The following VSTM5 variants were observed in gnomAD, a reference collection of about 807,000 sequenced individuals.
The protein encoded by VSTM5 is V-set and transmembrane domain-containing protein 5.
VSTM5 carries 21 observed loss-of-function variants against 20.3 expected under a neutral mutation model. The observed-to-expected ratio is 1.03, with a 90% CI of 0.73 to 1.49. The LOEUF (loss-of-function observed/expected upper bound fraction) is 1.49, where lower values mean the gene tolerates loss of function less well. VSTM5 is among the 40% of genes most tolerant of loss of function. VSTM5 has a pLI of 0.00. For missense variants in VSTM5, 219 were observed against 250.0 expected, an observed-to-expected ratio of 0.88 and a Z score of 0.84; for synonymous variants, 100 against 102.5, an observed-to-expected ratio of 0.98 and a Z score of 0.14.
chr11:93,820,863 G>T lies in VSTM5; in HGVS notation c.439C>A (p.His147Asn), dbSNP rs754873545. 1.3e-6 allele frequency: 2 copies of T among 1,550,618 alleles called. No homozygotes were observed. The highest frequency in any genetic ancestry group is 2.4e-5 in the South Asian group (2 of 84,062). ...AAAGCAAGGATGACAGCGACAAAGT[G>T]CAGGTCTTCATAGAGGATCTCTATG... ...HVSEILYEDL[H>N]FVAVILAFLA... Residue 147 changes from histidine (H) to asparagine (N), a missense_variant, in exon 3 of 4, where the codon CAC (histidine) becomes AAC (asparagine). Coordinates refer to ENST00000409977, the MANE Select transcript of VSTM5 (RefSeq NM_001144871.2).
rs148258152 is a variant in VSTM5 at position 93,825,585 on chromosome 11, G to A, written c.92-4262C>T. 3.4e-4 allele frequency among the ~76,000 whole-genome samples: 51 copies of A among 152,238 alleles called. 1 individual carries two copies. In the East Asian group the frequency reaches 9.1e-3, roughly 27 times the overall value. ...AACGATATTAATTCTTCCCATCCAC[G>A]AACATAGGGTATCTTTCCATTTATT... On this transcript the variant is annotated intron_variant, in intron 1 of 3. Transcript: ENST00000409977.
At chr11:93,826,413 T>C (rs1944238560) in intron 1 of VSTM5, among the ~76,000 whole-genome samples, 2 of 151,872 alleles carry the variant, frequency 1.3e-5, no homozygotes, top group African/African-American at 4.8e-5. Context: ...TTTCTTTTTT[T>C]TTGAGATGGA....
At chr11:93,838,982 A>G (rs1292293857) in intron 1 of VSTM5, among the ~76,000 whole-genome samples, 5 of 152,310 alleles carry the variant, frequency 3.3e-5, no homozygotes, top group African/African-American at 1.2e-4. Flanking sequence ...TCTTGGGCCC[A>G]TGCTCCAGCC....
chr11:93,831,601 T>C (rs747426668), intron 1 of VSTM5, among the ~76,000 whole-genome samples: 13 of 152,144 alleles, frequency 8.5e-5, no homozygotes, highest in Non-Finnish European at 1.3e-4. Context: ...CTCACCATGA[T>C]CTTTCTGTTT....
intron 1 of VSTM5, among the ~76,000 whole-genome samples, chr11:93,838,033 G>A (rs1001658255): frequency 1.3e-5 from 2 of 152,062 alleles, no homozygotes; most frequent in African/African-American, 2.4e-5. Flanking sequence ...GCCAGAAAAG[G>A]CCCTTCCCAA....
rs753692643 is a variant in VSTM5, at chr11:93,820,592, C to G, written c.580G>C (p.Glu194Gln). 2.6e-6 allele frequency: 4 copies of G among 1,551,914 alleles called. No homozygotes were observed. The Admixed American group carries it at 5.9e-5, about 23-fold the overall frequency. The stretch of plus-strand genomic sequence containing the variant: ...GGCTAACACTCAACATCTTCCAGCT[C>G]AATCTCCTCAGTTGTGCTTTCTGTA... ...KLKESTTEEIELEDVEC is the reference protein window; with the variant it reads ...KLKESTTEEIQLEDVEC Residue 194 changes from glutamate to glutamine, a missense_variant, in exon 4 of 4, where the codon GAG becomes CAG. By Grantham distance (29) the Glu-to-Gln change is conservative. Transcript: ENST00000409977.
intron 1 of VSTM5, among the ~76,000 whole-genome samples, chr11:93,822,593 G>T (rs550745249): frequency 1.3e-5 from 2 of 152,160 alleles, no homozygotes; most frequent in South Asian, 4.2e-4. Flanking sequence ...AGTGATTCTT[G>T]TGTCTCAGCT....
chr11:93,839,725 C>T (rs763996004), intron 1 of VSTM5, among the ~76,000 whole-genome samples: 4 of 152,172 alleles, frequency 2.6e-5, no homozygotes, highest in Admixed American at 6.5e-5. Context: ...TTCAGACCTG[C>T]GCTCTACCCA....
At chr11:93,837,688 C>T (rs1040720487) in intron 1 of VSTM5, among the ~76,000 whole-genome samples, 1 of 151,896 alleles carries the variant, frequency 6.6e-6, no homozygotes, top group African/African-American at 2.4e-5. Context: ...TGCAGTATGC[C>T]GAATGCTTAG....
At chr11:93,842,208 C>T (rs1944375816) in intron 1 of VSTM5, among the ~76,000 whole-genome samples, 2 of 152,136 alleles carry the variant, frequency 1.3e-5, no homozygotes, top group African/African-American at 4.8e-5. Context: ...TCTCCCCATC[C>T]TTGGGGGTAT....
chr11:93,836,854 C>G (rs1269313939), intron 1 of VSTM5, among the ~76,000 whole-genome samples: 2 of 152,012 alleles, frequency 1.3e-5, no homozygotes, highest in African/African-American at 2.4e-5. Flanking sequence ...TCAGTGACTC[C>G]CCTTATAGGG....
intron 1 of VSTM5, among the ~76,000 whole-genome samples, chr11:93,824,245 A>G: frequency 6.6e-6 from 1 of 152,088 alleles, no homozygotes; most frequent in East Asian, 1.9e-4. Flanking sequence ...GAATCTCCAT[A>G]CTTTTTTCAT....
chr11:93,836,881 G>A (rs1944327176), intron 1 of VSTM5, among the ~76,000 whole-genome samples: 1 of 152,054 alleles, frequency 6.6e-6, no homozygotes, highest in Non-Finnish European at 1.5e-5. Flanking sequence ...ATCTGATCTG[G>A]AGGTATGGGG....
intron 1 of VSTM5, among the ~76,000 whole-genome samples, chr11:93,838,019 G>A (rs1204783835): frequency 4.6e-5 from 7 of 152,134 alleles, no homozygotes; most frequent in Non-Finnish European, 1.0e-4. Flanking sequence ...AGTGTGCAGG[G>A]AAAGCCAGAA....
In VSTM5 at chr11:93,818,850, C is replaced by G. The variant is rs1400349874; in HGVS notation, c.*1719G>C. On this transcript the variant is annotated 3_prime_UTR_variant, in exon 4 of 4. Transcript: ENST00000409977. ...CTGGCCCAGAGCCTGGTTCCTCCGA[C>G]TGCTGCGTGGGGATAGGACATAGTG... The G allele has an allele frequency of 6.6e-6, 1 of 152,388 alleles. No homozygotes were observed. Among genetic ancestry groups the G allele is most frequent in the Non-Finnish European group, 1.5e-5 (1 of 68,182 alleles). The allele number at this position is 152,388 out of a possible 1,614,324, so 9.4% of individuals were successfully genotyped here. A position where few individuals can be genotyped will look rare whatever the true frequency, so the allele number is the denominator to read the frequency against.
In VSTM5 at chr11:93,821,094, G is replaced by C. The variant is rs945684597; in HGVS notation, c.321C>G (p.Leu107=). ...CGGAATCCCTCACTCCCACGCTGAAGAGCTGGATGGAGCCGTTGTCAAAGG... is the reference window on the plus strand; with the variant it reads ...CGGAATCCCTCACTCCCACGCTGAACAGCTGGATGGAGCCGTTGTCAAAGG... ...VCTFDNGSIQ[L]FSVGVRDSGY... is the part of the protein sequence containing the mutation. The change falls in exon 2 of 4, where the codon CTC becomes CTG. Residue 107 remains leucine (L), a synonymous_variant. Coordinates refer to ENST00000409977, the MANE Select transcript of VSTM5 (RefSeq NM_001144871.2). The C allele has an allele frequency of 2.8e-4, 440 of 1,551,810 alleles. No homozygotes were observed. Among genetic ancestry groups the C allele is most frequent in the Non-Finnish European group, 3.7e-4 (428 of 1,147,040 alleles).
rs1331514801 is a variant in VSTM5 at position 93,820,536 on chromosome 11, T to A, written c.*33A>T. The A allele has an allele frequency of 3.9e-6, 6 of 1,551,350 alleles. No individual in the cohort carries two copies. Among genetic ancestry groups the A allele is most frequent in the Non-Finnish European group, 8.7e-7 (1 of 1,146,640 alleles). On this transcript the variant is annotated 3_prime_UTR_variant, in exon 4 of 4. Coordinates refer to ENST00000409977, the MANE Select transcript of VSTM5 (RefSeq NM_001144871.2). Reference sequence around the variant, plus strand: ...CTTTTTGTTGGAGAATGGTTTCCTCTTGAGGTAGGAATGCAGTCAGGCCCA... The same window carrying A: ...CTTTTTGTTGGAGAATGGTTTCCTCATGAGGTAGGAATGCAGTCAGGCCCA...
rs1339204347 is a variant in VSTM5 at position 93,850,456 on chromosome 11, A to G, written c.47T>C (p.Leu16Pro). The G allele has an allele frequency of 6.5e-7, 1 of 1,549,734 alleles. No homozygotes were observed. Among genetic ancestry groups the G allele is most frequent in the South Asian group, 1.2e-5 (1 of 83,964 alleles). Reference sequence around the variant, plus strand: ...GGCCAGGCAGAGGGCGAAGAGTCCTAGGGAGATGCCTCGGGTCTTCCTCCT... The same window carrying G: ...GGCCAGGCAGAGGGCGAAGAGTCCTGGGGAGATGCCTCGGGTCTTCCTCCT... ...SGRRKTRGIS[L>P]GLFALCLAAA... is the part of the protein sequence containing the mutation. Residue 16 changes from leucine to proline, a missense_variant, in exon 1 of 4, where the codon CTA becomes CCA. Physicochemically the swap from Leu to Pro is moderately conservative, Grantham distance 98. Transcript: ENST00000409977.
intron 1 of VSTM5, among the ~76,000 whole-genome samples, chr11:93,846,526 A>G (rs947209680): frequency 1.3e-5 from 2 of 152,252 alleles, no homozygotes; most frequent in Non-Finnish European, 2.9e-5. Flanking sequence ...AGCACTGCAC[A>G]CATCACCCTG....
Sources: allele counts gnomAD v4.1 joint callset (sites outside exome capture counted in the v4.1 genomes callset), GRCh38; gene constraint gnomAD v4.1.1; transcripts MANE v1.5; gene names NCBI Gene and HGNC (gene_info 2026-07-23, HGNC 2026-07-21).